Variants in GLG1 observed in about 807,000 individuals in gnomAD.
GLG1 encodes golgi glycoprotein 1, also known as Golgi apparatus protein 1.
In GLG1, 38 loss-of-function variants were observed where a neutral mutation model predicts 160.5. The observed-to-expected ratio is 0.24, with a 90% CI of 0.18 to 0.31. The LOEUF is 0.31. Ranked by LOEUF, GLG1 falls within the 10% of genes least tolerant of loss-of-function variation. GLG1 has a pLI of 1.00. For missense variants in GLG1, 1,373 were observed against 1,505.2 expected, an observed-to-expected ratio of 0.91 and a Z score of 1.45; for synonymous variants, 644 against 543.4, an observed-to-expected ratio of 1.19 and a Z score of -2.57.
intron 1 of GLG1, among the ~76,000 whole-genome samples, chr16:74,593,645 G>A (rs2143874468): frequency 6.6e-6 from 1 of 152,070 alleles, no homozygotes; most frequent in South Asian, 2.1e-4. Flanking sequence ...ACGTTGGCCA[G>A]GCTGGTCTCA....
At chr16:74,476,584 C>T (rs193010405) in intron 12 of GLG1, among the ~76,000 whole-genome samples, 17 of 152,310 alleles carry the variant, frequency 1.1e-4, no homozygotes, top group African/African-American at 2.4e-4. Flanking sequence ...GCTTTAAACA[C>T]GCAGTATTCC....
chr16:74,515,023 C>A (rs1354580812), intron 2 of GLG1, among the ~76,000 whole-genome samples: 1 of 151,266 alleles, frequency 6.6e-6, no homozygotes, highest in African/African-American at 2.4e-5. Context: ...AGACTTTAAA[C>A]CAACAAAGAT....
chr16:74,594,036 A>C (rs948116448), intron 1 of GLG1, among the ~76,000 whole-genome samples: 1 of 152,052 alleles, frequency 6.6e-6, no homozygotes, highest in African/African-American at 2.4e-5. Context: ...CCTCCTGAGT[A>C]GCTGGGGTTA....
intron 1 of GLG1, among the ~76,000 whole-genome samples, chr16:74,599,936 A>T (rs958828373): frequency 6.6e-6 from 1 of 151,850 alleles, no homozygotes; most frequent in Non-Finnish European, 1.5e-5. Context: ...AGAGAGGTGG[A>T]GCCAGGAGAA....
At chr16:74,505,595 C>T (rs1489922530) in intron 3 of GLG1, among the ~76,000 whole-genome samples, 1 of 152,226 alleles carries the variant, frequency 6.6e-6, no homozygotes, top group Non-Finnish European at 1.5e-5. Context: ...TGGCTCATGC[C>T]TGTAATCCTA....
rs145315413 is a variant in GLG1 at position 74,549,043 on chromosome 16, G to C, written c.439-16890C>G. Among the ~76,000 whole-genome samples the C allele has an allele frequency of 3.0e-3, 456 of 152,122 alleles. 9 individuals are homozygous for C. The East Asian group carries it at 0.055, about 18-fold the overall frequency. ...ACAACACTTAATTTTTCAGTCATTT[G>C]CCAATCAGCAAATGAACCAATGTTG... On this transcript the variant is annotated intron_variant, in intron 1 of 25. Transcript: ENST00000422840.
chr16:74,452,935 C>A lies in GLG1; in HGVS notation c.*232G>T. 1 of 1,211,604 alleles carries A rather than the reference C, an allele frequency of 8.3e-7. No individual in the cohort carries two copies. The highest frequency in any genetic ancestry group is 1.0e-6 in the Non-Finnish European group (1 of 973,968). The allele number at this position is 1,211,604 out of a possible 1,614,324, so 75.1% of individuals were successfully genotyped here. On this transcript the variant is annotated 3_prime_UTR_variant, in exon 26 of 26. Coordinates refer to ENST00000422840, the MANE Select transcript of GLG1 (RefSeq NM_001145667.2). ...TACAGGCAGGTAAACCCAAGTTTGC[C>A]AAACAAAGGCAGTAACCCCAGCGAC...
In GLG1 at chr16:74,606,797, G is replaced by C. The variant is rs750527723; in HGVS notation, c.298C>G (p.Arg100Gly). Residue 100 changes from arginine (R) to glycine (G), a missense_variant, in exon 1 of 26, where the codon CGG becomes GGG. This residue lies in a region of GLG1 where 322 missense variants were observed against 254.6 expected (regional missense o/e 1.26). Transcript: ENST00000422840. ...CCACCAGCCCCCGCTCCTCCCCGCC[G>C]GGCCGGAGGCCCACCCGCCGGGAAA... ...PPFPAGGPPARRGGAGAGGGW... is the reference protein window; with the variant it reads ...PPFPAGGPPAGRGGAGAGGGW... The C allele has an allele frequency of 1.9e-6, 3 of 1,598,474 alleles. No homozygotes were observed. Among genetic ancestry groups the C allele is most frequent in the African/African-American group, 2.7e-5 (2 of 74,750 alleles).
chr16:74,506,945 C>G (rs892280514), intron 3 of GLG1, among the ~76,000 whole-genome samples: 2 of 152,128 alleles, frequency 1.3e-5, no homozygotes, highest in African/African-American at 4.8e-5. Flanking sequence ...GCTGCAGTCA[C>G]TCTATTTTTT....
chr16:74,509,044 T>G (rs970862470), intron 2 of GLG1, 119 bp from the exon 3 acceptor site: 1 of 494,100 alleles, frequency 2.0e-6, no homozygotes, highest in East Asian at 2.8e-5. Flanking sequence ...CATATTCACA[T>G]CAGATAACAA....
At chr16:74,538,150 C>A (rs1034343198) in intron 1 of GLG1, among the ~76,000 whole-genome samples, 1 of 149,582 alleles carries the variant, frequency 6.7e-6, no homozygotes, top group African/African-American at 2.5e-5. Context: ...AATTAAGTGA[C>A]AACCAACTTT....
intron 2 of GLG1, among the ~76,000 whole-genome samples, chr16:74,509,467 A>C (rs1323377826): frequency 6.6e-6 from 1 of 151,980 alleles, no homozygotes; most frequent in African/African-American, 2.4e-5. Flanking sequence ...AGATCTCACA[A>C]TCAACAGTGC....
intron 11 of GLG1, 101 bp downstream of exon 11, chr16:74,480,140 A>G (rs2015545437): frequency 2.0e-6 from 2 of 989,660 alleles, no homozygotes; most frequent in Non-Finnish European, 3.1e-6. Context: ...AAAATAGTCT[A>G]AAAAGTTTTC....
At chr16:74,589,323 AT>A (rs1481459692) in intron 1 of GLG1, among the ~76,000 whole-genome samples, 1 of 152,130 alleles carries the variant, frequency 6.6e-6, no homozygotes, top group African/African-American at 2.4e-5. Flanking sequence ...ATATGATGAA[AT>A]ATTGGTAATT....
intron 1 of GLG1, among the ~76,000 whole-genome samples, chr16:74,562,518 G>GGT (rs1345327708): frequency 6.6e-6 from 1 of 152,134 alleles, no homozygotes; most frequent in Non-Finnish European, 1.5e-5. Context: ...GGAGAGCAGT[G>GGT]GTGTGATCTC....
intron 1 of GLG1, among the ~76,000 whole-genome samples, chr16:74,600,169 T>A (rs1958406787): frequency 6.6e-6 from 1 of 152,222 alleles, no homozygotes; most frequent in African/African-American, 2.4e-5. Context: ...TATAGTCATA[T>A]ATTTAGTTTC....
At position 74,503,543 on chromosome 16, in the gene GLG1, C is replaced by A. The variant is rs1271563890; in HGVS notation, c.762G>T (p.Arg254=). Residue 254 remains arginine, a synonymous_variant, in exon 4 of 26, where the codon CGG becomes CGT. Coordinates refer to ENST00000422840, the MANE Select transcript of GLG1 (RefSeq NM_001145667.2). ...TAGTATTAGATACCTTTTCTCCAAG[C>A]CGAATACTGCCACATTTCAGAATGT... ...DINILKCGSI[R]LGEKDAHSQG... 3.1e-6 allele frequency: 5 copies of A among 1,609,786 alleles called. No homozygotes were observed. The highest frequency in any genetic ancestry group is 3.3e-5 in the Admixed American group (2 of 60,008).
At chr16:74,536,096 T>C (rs1313691838) in intron 1 of GLG1, among the ~76,000 whole-genome samples, 1 of 152,174 alleles carries the variant, frequency 6.6e-6, no homozygotes, top group East Asian at 1.9e-4. Flanking sequence ...AGTCATGTGA[T>C]AAAGAACCAA....
In GLG1 at chr16:74,459,773, G is replaced by A; in HGVS notation, c.3053C>T (p.Ala1018Val). ...HCSDEISSLC[A>V]EEAAAQEQTG... ...CTGCTCTTGGGCTGCTGCTTCTTCA[G>A]CACATAGACTGGAGATCTGTTCAGG... is the stretch of plus-strand genomic sequence containing the variant. Residue 1018 changes from alanine to valine, a missense_variant, in exon 23 of 26, where the codon GCT (alanine) becomes GTT (valine). Physicochemically the swap from Ala to Val is moderately conservative, Grantham distance 64. This residue lies in a region of GLG1 where 491 missense variants were observed against 632.1 expected (regional missense o/e 0.78). Coordinates refer to ENST00000422840, the MANE Select transcript of GLG1 (RefSeq NM_001145667.2). The A allele has an allele frequency of 6.3e-7, 1 of 1,598,948 alleles. No homozygotes were observed. Among genetic ancestry groups the A allele is most frequent in the Non-Finnish European group, 8.6e-7 (1 of 1,168,206 alleles).
Sources: allele counts gnomAD v4.1 joint callset (sites outside exome capture counted in the v4.1 genomes callset), GRCh38; gene constraint gnomAD v4.1.1; regional missense constraint gnomAD v4.1.1; transcripts MANE v1.5; gene names NCBI Gene and HGNC (gene_info 2026-07-23, HGNC 2026-07-21).